CNBD1: variants seen among roughly 807,000 people sequenced by gnomAD.
The protein encoded by CNBD1 is cyclic nucleotide binding domain containing 1, also known as cyclic nucleotide-binding domain-containing protein 1.
In CNBD1, 71 loss-of-function variants were observed where a neutral mutation model predicts 54.4. The observed-to-expected ratio is 1.30, with a 90% CI of 1.08 to 1.59. The LOEUF (loss-of-function observed/expected upper bound fraction) is 1.59. Ranked by LOEUF, CNBD1 falls within the 40% of genes most tolerant of loss-of-function variation. The pLI is 0.00. For synonymous variants in CNBD1, 182 were observed against 170.7 expected (o/e 1.07, Z -0.51); for missense variants, 659 against 518.0 (o/e 1.27, Z -2.64).
chr8:87,344,117 G>T (rs974952620), intron 8 of CNBD1, among the ~76,000 whole-genome samples: 6 of 151,942 alleles, frequency 3.9e-5, no homozygotes, highest in Admixed American at 2.6e-4. Context: ...AATAAAATGT[G>T]TTAGAAAATT....
chr8:87,144,843 T>C (rs1005942907), intron 4 of CNBD1, among the ~76,000 whole-genome samples: 1 of 149,720 alleles, frequency 6.7e-6, no homozygotes, highest in African/African-American at 2.5e-5. Context: ...AAAAAAATAC[T>C]TGAGTGAAAA....
intron 2 of CNBD1, among the ~76,000 whole-genome samples, chr8:87,393,314 A>T (rs965641321): frequency 6.6e-6 from 1 of 151,892 alleles, no homozygotes; most frequent in Non-Finnish European, 1.5e-5. Context: ...CTCTTTTGAT[A>T]ATATTCTCCC....
chr8:87,200,052 T>G (rs2130792853), intron 4 of CNBD1, among the ~76,000 whole-genome samples: 1 of 151,842 alleles, frequency 6.6e-6, no homozygotes, highest in African/African-American at 2.4e-5. Flanking sequence ...AATAAAATGG[T>G]TTTTAAAATA....
At chr8:87,283,904 T>G (rs974638195) in intron 6 of CNBD1, among the ~76,000 whole-genome samples, 1 of 152,136 alleles carries the variant, frequency 6.6e-6, no homozygotes, top group Non-Finnish European at 1.5e-5. Flanking sequence ...TTTGACATTT[T>G]AAATTTCCTC....
At chr8:87,114,656 G>A (rs2130708128) in intron 4 of CNBD1, among the ~76,000 whole-genome samples, 1 of 152,226 alleles carries the variant, frequency 6.6e-6, no homozygotes, top group Non-Finnish European at 1.5e-5. Flanking sequence ...AGCTGCCAAT[G>A]ATTGACATTT....
At chr8:87,311,700 C>G (rs1809269779) in intron 8 of CNBD1, among the ~76,000 whole-genome samples, 1 of 151,958 alleles carries the variant, frequency 6.6e-6, no homozygotes, top group African/African-American at 2.4e-5. Flanking sequence ...CAATGTAGTT[C>G]CCCATCAACA....
At chr8:87,022,337 G>A (rs1028564311) in intron 4 of CNBD1, among the ~76,000 whole-genome samples, 2 of 152,160 alleles carry the variant, frequency 1.3e-5, no homozygotes, top group African/African-American at 4.8e-5. Flanking sequence ...GTGGTTAGCT[G>A]TCTCCAAACA....
chr8:87,247,545 A>T (rs956889251), intron 6 of CNBD1, among the ~76,000 whole-genome samples: 2 of 152,178 alleles, frequency 1.3e-5, no homozygotes, highest in African/African-American at 4.8e-5. Flanking sequence ...AAATTCCTTG[A>T]CCATGTTGAA....
At chr8:87,058,713 G>A (rs73281246) in intron 4 of CNBD1, among the ~76,000 whole-genome samples, 2,175 of 152,234 alleles carry the variant, frequency 0.014, 40 homozygotes, top group African/African-American at 0.047. Flanking sequence ...AAGGCTGCAC[G>A]CAGTAGGAAG....
chr8:86,949,465 A>G (rs971807091), intron 4 of CNBD1, among the ~76,000 whole-genome samples: 5 of 152,122 alleles, frequency 3.3e-5, no homozygotes, highest in South Asian at 2.1e-4. Context: ...TATATTTCAC[A>G]TATTAGTTAA....
At chr8:87,154,371 G>A (rs576540520) in intron 4 of CNBD1, among the ~76,000 whole-genome samples, 11 of 152,144 alleles carry the variant, frequency 7.2e-5, no homozygotes, top group South Asian at 2.1e-4. Context: ...AAAGGCCATC[G>A]GAAGCTGGTG....
intron 4 of CNBD1, among the ~76,000 whole-genome samples, chr8:86,944,953 A>C: frequency 6.6e-6 from 1 of 152,190 alleles, no homozygotes; most frequent in East Asian, 1.9e-4. Context: ...GCAGGACTGA[A>C]CAGACAGTCC....
At position 87,352,246 on chromosome 8, in the gene CNBD1, C is replaced by T. The variant is rs74482527; in HGVS notation, c.1152+452C>T. 1.7e-4 allele frequency among the ~76,000 whole-genome samples: 26 copies of T among 152,060 alleles called. No individual in the cohort carries two copies. In the East Asian group the frequency reaches 2.1e-3, roughly 12 times the overall value. Reference sequence around the variant, plus strand: ...CTGTAATCCCAGCACTTTGAGAGGCCGAGGCGGGCGGATCACGAGATCAGG... The same window carrying T: ...CTGTAATCCCAGCACTTTGAGAGGCTGAGGCGGGCGGATCACGAGATCAGG... On this transcript the variant is annotated intron_variant, in intron 9 of 10. Transcript: ENST00000518476.
intron 8 of CNBD1, among the ~76,000 whole-genome samples, chr8:87,315,445 T>C (rs191600380): frequency 7.4e-4 from 112 of 152,122 alleles, no homozygotes; most frequent in South Asian, 1.7e-3. Context: ...AGGCATCTAC[T>C]TGGCTTCTGG....
chr8:87,330,341 T>G (rs377385499), intron 8 of CNBD1, among the ~76,000 whole-genome samples: 4 of 151,918 alleles, frequency 2.6e-5, no homozygotes, highest in African/African-American at 9.6e-5. Context: ...TGGTTTCAAT[T>G]TTATTAATTT....
At chr8:87,190,886 C>CCTATATCTATATA (rs1427428611) in intron 4 of CNBD1, among the ~76,000 whole-genome samples, 1 of 132,174 alleles carries the variant, frequency 7.6e-6, no homozygotes, top group East Asian at 2.0e-4. Context: ...GATACATGTA[C>CCTATATCTATATA]GTATATCTAT....
intron 4 of CNBD1, among the ~76,000 whole-genome samples, chr8:87,025,073 G>A (rs1382542714): frequency 6.6e-6 from 1 of 152,166 alleles, no homozygotes; most frequent in African/African-American, 2.4e-5. Flanking sequence ...GGGCGTCTGG[G>A]TAGGGTGGGG....
chr8:87,284,032 C>T (rs112548659), intron 6 of CNBD1, among the ~76,000 whole-genome samples: 13 of 152,130 alleles, frequency 8.5e-5, no homozygotes, highest in African/African-American at 2.6e-4. Flanking sequence ...ATAGGCATAT[C>T]GACCTGATGT....
At chr8:87,185,598 C>G (rs1813457718) in intron 4 of CNBD1, among the ~76,000 whole-genome samples, 1 of 152,142 alleles carries the variant, frequency 6.6e-6, no homozygotes, top group Non-Finnish European at 1.5e-5. Context: ...TATCCTATTT[C>G]CTGTGAATTA....
Sources: gnomAD v4.1 joint callset for allele counts (sites outside exome capture counted in the v4.1 genomes callset) on GRCh38, gnomAD v4.1.1 for gene constraint, MANE v1.5 for transcripts, NCBI Gene and HGNC (gene_info 2026-07-23, HGNC 2026-07-21) for gene names.